The following JMY variants were observed in gnomAD, a reference collection of about 807,000 sequenced individuals.
JMY encodes the protein junction mediating and regulatory protein, p53 cofactor, also known as junction-mediating and -regulatory protein.
Under a neutral mutation model 103.3 loss-of-function variants are expected in JMY, and 46 were observed. The observed-to-expected ratio is 0.45, with a 90% confidence interval of 0.35 to 0.57. JMY has a LOEUF of 0.57. JMY is among the 20% of genes least tolerant of loss of function. The probability of loss-of-function intolerance (pLI) is 0.00; values close to 1 mark genes in which losing one functional copy is unlikely to be tolerated. For synonymous variants in JMY, 526 were observed against 489.3 expected (o/e 1.07, Z -0.99); for missense variants, 1,238 against 1,255.2 (o/e 0.99, Z 0.21).
intron 1 of JMY, among the ~76,000 whole-genome samples, chr5:79,247,385 C>T (rs1012364510): frequency 1.3e-5 from 2 of 152,078 alleles, no homozygotes; most frequent in Non-Finnish European, 2.9e-5. Flanking sequence ...TCACTGCAAC[C>T]TCCACCTCTC....
intron 1 of JMY, among the ~76,000 whole-genome samples, chr5:79,265,997 G>T (rs750949871): frequency 1.1e-4 from 17 of 152,050 alleles, no homozygotes; most frequent in Non-Finnish European, 2.4e-4. Flanking sequence ...GGCCATGCTG[G>T]TCTCGAACTC....
intron 4 of JMY, among the ~76,000 whole-genome samples, chr5:79,293,425 T>G (rs1468979806): frequency 2.6e-5 from 4 of 151,952 alleles, no homozygotes; most frequent in Admixed American, 2.0e-4. Context: ...TTTAAATTAA[T>G]TTAGTTAGTT....
chr5:79,289,060 C>T (rs1746347988), intron 2 of JMY, among the ~76,000 whole-genome samples: 1 of 151,642 alleles, frequency 6.6e-6, no homozygotes, highest in African/African-American at 2.4e-5. Context: ...CATGACAAAA[C>T]CCCATCTATA....
At chr5:79,270,920 G>C (rs185119309) in intron 1 of JMY, among the ~76,000 whole-genome samples, 1 of 151,794 alleles carries the variant, frequency 6.6e-6, no homozygotes, top group South Asian at 2.1e-4. Flanking sequence ...TTTTGTAGTA[G>C]ATGACAATTG....
intron 10 of JMY, among the ~76,000 whole-genome samples, chr5:79,319,435 G>A (rs1747364836): frequency 6.6e-6 from 1 of 152,150 alleles, no homozygotes; most frequent in Admixed American, 6.5e-5. Flanking sequence ...GGACTGATTA[G>A]GCAGTGATGA....
intron 1 of JMY, among the ~76,000 whole-genome samples, chr5:79,251,204 A>G (rs758669325): frequency 3.3e-5 from 5 of 152,168 alleles, no homozygotes; most frequent in Non-Finnish European, 7.3e-5. Context: ...ATAGCTGGGC[A>G]TATCTGTAGT....
chr5:79,298,311 A>G (rs1182401645), intron 4 of JMY, among the ~76,000 whole-genome samples: 2 of 152,198 alleles, frequency 1.3e-5, no homozygotes, highest in African/African-American at 4.8e-5. Flanking sequence ...TTCTAACATT[A>G]GATATCTTAC....
chr5:79,253,126 T>C (rs1218740148), intron 1 of JMY, among the ~76,000 whole-genome samples: 1 of 152,162 alleles, frequency 6.6e-6, no homozygotes, highest in South Asian at 2.1e-4. Context: ...GCAAATACTA[T>C]CTCATGACCC....
intron 4 of JMY, among the ~76,000 whole-genome samples, chr5:79,294,339 G>A (rs1282617223): frequency 6.6e-6 from 1 of 152,120 alleles, no homozygotes; most frequent in African/African-American, 2.4e-5. Context: ...GGGAGGCAGA[G>A]GCTGCAGTGA....
In JMY at chr5:79,236,621, C is replaced by T. The variant is rs1225298610; in HGVS notation, c.-30C>T. On this transcript the variant is annotated 5_prime_UTR_variant, in exon 1 of 11. Transcript: ENST00000396137. ...TCCTCGGGCGGGCCGGGCCGGCGGC[C>T]CTTCCCCGCGGCGAGAAGCCGGAGC... 2 of 1,360,416 alleles carry T rather than the reference C, an allele frequency of 1.5e-6. No homozygotes were observed. Among genetic ancestry groups the T allele is most frequent in the Non-Finnish European group, 9.6e-7 (1 of 1,042,600 alleles). 84.3% of individuals were successfully genotyped at this position (1,360,416 alleles called of 1,614,324 possible).
At chr5:79,301,784 A>G (rs1746740890) in intron 6 of JMY, among the ~76,000 whole-genome samples, 1 of 152,096 alleles carries the variant, frequency 6.6e-6, no homozygotes, top group Non-Finnish European at 1.5e-5. Context: ...TCCAATCTGC[A>G]CCAACCAGGT....
Position 79,314,662 on chromosome 5 carries a change from C to T in JMY, c.2470C>T (p.Pro824Ser). ...ACCTCCTCCCCCTCCCCCACCACCA[C>T]CACCTCTGCCTGTTGCTAAGGACAG... is the stretch of plus-strand genomic sequence containing the variant. ...PPPPPPPPPP[P>S]PLPVAKDSGP... The change falls in exon 9 of 11, where the codon CCA becomes TCA. Residue 824 changes from proline (P) to serine (S), a missense_variant. Transcript: ENST00000396137. The T allele has an allele frequency of 1.2e-6, 2 of 1,605,420 alleles. No individual in the cohort carries two copies. Among genetic ancestry groups the T allele is most frequent in the South Asian group, 2.2e-5 (2 of 90,180 alleles).
intron 7 of JMY, among the ~76,000 whole-genome samples, chr5:79,307,254 G>A (rs980665178): frequency 1.3e-5 from 2 of 152,140 alleles, no homozygotes; most frequent in African/African-American, 4.8e-5. Flanking sequence ...GCCAATTTGG[G>A]TAAATAACAA....
chr5:79,265,039 C>T (rs1362476680), intron 1 of JMY, among the ~76,000 whole-genome samples: 1 of 152,146 alleles, frequency 6.6e-6, no homozygotes, highest in African/African-American at 2.4e-5. Context: ...CATTCTCCTG[C>T]CTCAGCCTCC....
chr5:79,298,249 C>G (rs1746623092), intron 4 of JMY, among the ~76,000 whole-genome samples: 1 of 152,168 alleles, frequency 6.6e-6, no homozygotes, highest in Non-Finnish European at 1.5e-5. Context: ...GGTTTTTAGA[C>G]TGGTTTACAC....
chr5:79,320,653 A>C (rs1443745541), intron 10 of JMY, among the ~76,000 whole-genome samples: 1 of 152,166 alleles, frequency 6.6e-6, no homozygotes, highest in Non-Finnish European at 1.5e-5. Flanking sequence ...TGTAGTTCAA[A>C]GGAAATATAG....
At chr5:79,261,383 AAT>A (rs1463066891) in intron 1 of JMY, among the ~76,000 whole-genome samples, 13 of 152,052 alleles carry the variant, frequency 8.5e-5, no homozygotes, top group Non-Finnish European at 1.3e-4. Flanking sequence ...CTCTACAAAT[AAT>A]AATAATAATA....
chr5:79,277,320 C>G (rs1389089440), intron 1 of JMY, among the ~76,000 whole-genome samples: 1 of 151,920 alleles, frequency 6.6e-6, no homozygotes, highest in Non-Finnish European at 1.5e-5. Flanking sequence ...GGTTTTCATT[C>G]TACTAGATAG....
chr5:79,306,858 C>T (rs1275143795), intron 7 of JMY, among the ~76,000 whole-genome samples: 2 of 152,156 alleles, frequency 1.3e-5, no homozygotes, highest in Admixed American at 6.5e-5. Context: ...CATGAATCTG[C>T]TATTATAGTA....
Sources: allele counts gnomAD v4.1 joint callset (sites outside exome capture counted in the v4.1 genomes callset), GRCh38; gene constraint gnomAD v4.1.1; transcripts MANE v1.5; gene names NCBI Gene and HGNC (gene_info 2026-07-23, HGNC 2026-07-21).